Variants in GPC6 observed in about 807,000 individuals in gnomAD.
GPC6 encodes glypican-6.
A neutral mutation model predicts 55.2 loss-of-function variants in GPC6; 14 were observed. The ratio of observed to expected loss-of-function variants is 0.25; its 90% CI spans 0.17 to 0.40. The LOEUF (loss-of-function observed/expected upper bound fraction) is 0.40, where lower values mean the gene tolerates loss of function less well. Among genes scored for constraint, GPC6 ranks in the 10% least tolerant of loss-of-function variants. The pLI is 1.00. For synonymous variants in GPC6, 278 were observed against 259.6 expected (o/e 1.07, Z -0.68); for missense variants, 641 against 708.5 (o/e 0.90, Z 1.08).
At chr13:93,971,756 T>C (rs1310449855) in intron 3 of GPC6, among the ~76,000 whole-genome samples, 3 of 152,138 alleles carry the variant, frequency 2.0e-5, no homozygotes, top group South Asian at 2.1e-4. Flanking sequence ...AGTGACAGGA[T>C]TGCAGAAGAG....
chr13:93,857,252 A>G (rs1466523931), intron 3 of GPC6, among the ~76,000 whole-genome samples: 5 of 151,562 alleles, frequency 3.3e-5, no homozygotes. Flanking sequence ...TTTCATGTAG[A>G]AGGAAGGCAG....
intron 2 of GPC6, among the ~76,000 whole-genome samples, chr13:93,580,469 G>A (rs1324395430): frequency 6.6e-6 from 1 of 152,132 alleles, no homozygotes; most frequent in Non-Finnish European, 1.5e-5. Context: ...TATACACATA[G>A]CAGGTGTCCT....
At chr13:94,125,766 G>A (rs1030272877) in intron 4 of GPC6, among the ~76,000 whole-genome samples, 8 of 151,122 alleles carry the variant, frequency 5.3e-5, no homozygotes, top group South Asian at 4.2e-4. Flanking sequence ...AGTCAGCAAA[G>A]AAATGAGCGT....
chr13:93,994,219 G>A (rs1361122), intron 3 of GPC6, among the ~76,000 whole-genome samples: 50,323 of 151,860 alleles, frequency 0.33, 8,820 homozygotes, highest in African/African-American at 0.44. Context: ...TTTAAGTAAG[G>A]GCATGAATCC....
At chr13:93,378,635 A>G (rs1002007927) in intron 1 of GPC6, among the ~76,000 whole-genome samples, 4 of 152,172 alleles carry the variant, frequency 2.6e-5, no homozygotes, top group Admixed American at 6.5e-5. Context: ...TTTGGTAATG[A>G]CTTATTATGA....
At chr13:93,437,594 C>T (rs1190440208) in intron 1 of GPC6, among the ~76,000 whole-genome samples, 1 of 152,142 alleles carries the variant, frequency 6.6e-6, no homozygotes, top group African/African-American at 2.4e-5. Context: ...GCCCTAACTC[C>T]TTTCAATTCT....
chr13:94,059,696 C>T (rs923709670), intron 4 of GPC6, among the ~76,000 whole-genome samples: 3 of 151,640 alleles, frequency 2.0e-5, no homozygotes, highest in East Asian at 1.9e-4. Context: ...TGTGAAGGCC[C>T]GCTGCTTGCT....
intron 3 of GPC6, among the ~76,000 whole-genome samples, chr13:93,901,631 G>A (rs995528824): frequency 6.6e-6 from 1 of 151,998 alleles, no homozygotes; most frequent in Non-Finnish European, 1.5e-5. Flanking sequence ...GGCTGGGCAC[G>A]GTGGTTCACG....
In GPC6 at chr13:93,555,074, T is replaced by G. The variant is rs893076153; in HGVS notation, c.319+9653T>G. 2.0e-5 allele frequency among the ~76,000 whole-genome samples: 3 copies of G among 152,204 alleles called. No individual in the cohort carries two copies. In the South Asian group the frequency reaches 6.2e-4, roughly 31 times the overall value. ...TCGGGGCTCCAAGGCCTTTGAATGT[T>G]GGAAGAAATTGGATTTCTCCACGTA... On this transcript the variant is annotated intron_variant, in intron 2 of 8. Transcript: ENST00000377047.
At chr13:93,269,419 C>A (rs1877433384) in intron 1 of GPC6, among the ~76,000 whole-genome samples, 1 of 152,048 alleles carries the variant, frequency 6.6e-6, no homozygotes, top group African/African-American at 2.4e-5. Flanking sequence ...TTGTATTTAT[C>A]AATATAATGA....
intron 2 of GPC6, among the ~76,000 whole-genome samples, chr13:93,717,191 GA>G (rs1004936313): frequency 5.3e-5 from 8 of 150,288 alleles, no homozygotes; most frequent in Admixed American, 1.3e-4. Context: ...CTTAAGACCA[GA>G]AAAAAAAATC....
chr13:94,115,460 T>C (rs1329391411), intron 4 of GPC6, among the ~76,000 whole-genome samples: 2 of 152,114 alleles, frequency 1.3e-5, no homozygotes, highest in Non-Finnish European at 2.9e-5. Flanking sequence ...AGGGACTGCT[T>C]TTTCTTTCAT....
chr13:93,537,210 G>T (rs1015498250), intron 1 of GPC6, among the ~76,000 whole-genome samples: 5 of 152,124 alleles, frequency 3.3e-5, no homozygotes, highest in African/African-American at 1.2e-4. Flanking sequence ...ATAGCTTAGG[G>T]ACATTAGCAA....
intron 6 of GPC6, among the ~76,000 whole-genome samples, chr13:94,351,581 A>G (rs9524453): frequency 0.042 from 6,450 of 152,156 alleles, 222 homozygotes; most frequent in Non-Finnish European, 0.068. Context: ...CCTTATTCTC[A>G]TAAACTAAGC....
intron 2 of GPC6, among the ~76,000 whole-genome samples, chr13:93,682,303 G>A (rs1168354045): frequency 6.6e-6 from 1 of 152,166 alleles, no homozygotes; most frequent in Non-Finnish European, 1.5e-5. Flanking sequence ...AAGGCAGTGA[G>A]AACAATAACC....
chr13:93,545,341 A>G lies in GPC6; in HGVS notation c.239A>G (p.Lys80Arg), dbSNP rs1874724934. 2 of 1,613,686 alleles carry G rather than the reference A, an allele frequency of 1.2e-6. No homozygotes were observed. Among genetic ancestry groups the G allele is most frequent in the Admixed American group, 1.7e-5 (1 of 59,982 alleles). ...GAAGACAAGTTAAGCCAACAAAGCAAACTCGAATTTGAAAACCTTGTGGAA... is the reference window on the plus strand; with the variant it reads ...GAAGACAAGTTAAGCCAACAAAGCAGACTCGAATTTGAAAACCTTGTGGAA... Reference protein sequence around the residue: ...EMEDKLSQQSKLEFENLVEET... With the variant: ...EMEDKLSQQSRLEFENLVEET... The change falls in exon 2 of 9, where the codon AAA (lysine) becomes AGA (arginine). Residue 80 changes from lysine to arginine, a missense_variant. Physicochemically the swap from Lys to Arg is conservative, Grantham distance 26. Transcript: ENST00000377047.
intron 2 of GPC6, among the ~76,000 whole-genome samples, chr13:93,667,312 G>A (rs1881178703): frequency 6.6e-6 from 1 of 152,044 alleles, no homozygotes; most frequent in African/African-American, 2.4e-5. Flanking sequence ...ATATAGACCA[G>A]ATAATTCCAG....
intron 1 of GPC6, among the ~76,000 whole-genome samples, chr13:93,507,282 G>C (rs890445728): frequency 1.1e-4 from 16 of 152,052 alleles, no homozygotes; most frequent in Non-Finnish European, 4.4e-5. Flanking sequence ...GACTGGACTA[G>C]AGCCCACCTT....
intron 6 of GPC6, among the ~76,000 whole-genome samples, chr13:94,372,405 C>T (rs562551899): frequency 5.3e-5 from 8 of 151,960 alleles, no homozygotes; most frequent in African/African-American, 7.2e-5. Context: ...ACTTGGGAAG[C>T]GCAAGGGGTC....
Sources: gnomAD v4.1 joint callset for allele counts (sites outside exome capture counted in the v4.1 genomes callset) on GRCh38, gnomAD v4.1.1 for gene constraint, MANE v1.5 for transcripts, NCBI Gene and HGNC (gene_info 2026-07-23, HGNC 2026-07-21) for gene names.